KL: variants seen among roughly 807,000 people sequenced by gnomAD.
The protein encoded by KL is alpha-klotho.
Under a neutral mutation model 84.2 loss-of-function variants are expected in KL, and 62 were observed. The observed-to-expected ratio is 0.74, with a 90% CI of 0.60 to 0.91. The LOEUF is 0.91. Ranked by LOEUF, KL falls within the 40% of genes least tolerant of loss-of-function variation. The probability of loss-of-function intolerance (pLI) is 0.00; values close to 1 mark genes in which losing one functional copy is unlikely to be tolerated. For missense variants in KL, 1,261 were observed against 1,305.7 expected (o/e 0.97, Z 0.53); for synonymous variants, 528 against 528.0 (o/e 1.00, Z 0.00).
chr13:33,060,270 C>A (rs929459045), intron 3 of KL, among the ~76,000 whole-genome samples: 2 of 152,170 alleles, frequency 1.3e-5, no homozygotes, highest in African/African-American at 4.8e-5. Flanking sequence ...TAAGTTTTTT[C>A]TTTTTTTCAT....
intron 1 of KL, among the ~76,000 whole-genome samples, chr13:33,027,136 G>A (rs1593791505): frequency 6.6e-6 from 1 of 152,266 alleles, no homozygotes; most frequent in East Asian, 1.9e-4. Flanking sequence ...AAGGACCCCA[G>A]CGCTACTCCT....
At chr13:33,017,344 C>G (rs571323817) in intron 1 of KL, 85 bp downstream of exon 1, 24 of 1,259,782 alleles carry the variant, frequency 1.9e-5, no homozygotes, top group Middle Eastern at 2.6e-4. Context: ...GGAACTGAGT[C>G]TCCCCCAGAC....
rs542328016 is a variant in KL at position 33,065,358 on chromosome 13, T to C, written c.*1172T>C. On this transcript the variant is annotated 3_prime_UTR_variant, in exon 5 of 5. Transcript: ENST00000380099. ...TTTGAACTTTCACGCTGAAACATGC[T>C]AGTGATATCTAGAAAGGGCTAATTA... 2.4e-4 allele frequency: 49 copies of C among 204,938 alleles called. No individual in the cohort carries two copies. The highest frequency in any genetic ancestry group is 1.7e-3 in the Middle Eastern group (1 of 594). The allele number at this position is 204,938 out of a possible 1,614,324, so 12.7% of individuals were successfully genotyped here.
intron 1 of KL, among the ~76,000 whole-genome samples, chr13:33,036,074 A>G (rs1243022943): frequency 6.6e-6 from 1 of 152,200 alleles, no homozygotes; most frequent in Non-Finnish European, 1.5e-5. Context: ...AACTACCCTG[A>G]CCTTTGTCTT....
At position 33,032,098 on chromosome 13, in the gene KL, G is replaced by A. The variant is rs527936567; in HGVS notation, c.819+14839G>A. Among the ~76,000 whole-genome samples the A allele has an allele frequency of 2.2e-3, 328 of 152,180 alleles. 1 individual carries two copies. Among genetic ancestry groups the A allele is most frequent in the African/African-American group, 7.2e-3 (299 of 41,512 alleles). ...CCCGCATTGCACAGGTTACATCTAG[G>A]GGTGTGCTAGCAAATGCCTAGACCA... On this transcript the variant is annotated intron_variant, in intron 1 of 4. Transcript: ENST00000380099.
chr13:33,064,933 A>C lies in KL; in HGVS notation c.*747A>C, dbSNP rs905319701. On this transcript the variant is annotated 3_prime_UTR_variant, in exon 5 of 5. Transcript: ENST00000380099. ...TTGATAAGTATCTGCGGAAAAACAAACATGAATCCTGTGATATTGGGCTCT... is the reference window on the plus strand; with the variant it reads ...TTGATAAGTATCTGCGGAAAAACAACCATGAATCCTGTGATATTGGGCTCT... The C allele has an allele frequency of 8.7e-6, 2 of 228,834 alleles. No individual in the cohort carries two copies. The highest frequency in any genetic ancestry group is 4.4e-5 in the African/African-American group (2 of 45,084). The allele number at this position is 228,834 out of a possible 1,614,324, so 14.2% of individuals were successfully genotyped here.
At chr13:33,035,980 C>A (rs1429537280) in intron 1 of KL, among the ~76,000 whole-genome samples, 2 of 152,072 alleles carry the variant, frequency 1.3e-5, no homozygotes, top group Non-Finnish European at 1.5e-5. Flanking sequence ...AATAAATAAG[C>A]CCTTTATTGT....
At chr13:33,041,702 C>G (rs1016320691) in intron 1 of KL, among the ~76,000 whole-genome samples, 1 of 152,150 alleles carries the variant, frequency 6.6e-6, no homozygotes, top group African/African-American at 2.4e-5. Flanking sequence ...GCTCTCATCA[C>G]TTGCTCAACT....
intron 2 of KL, among the ~76,000 whole-genome samples, 165 bp downstream of exon 2, chr13:33,054,442 T>G (rs1871877440): frequency 6.6e-6 from 1 of 152,192 alleles, no homozygotes; most frequent in South Asian, 2.1e-4. Flanking sequence ...TCATTTGGAG[T>G]CTTGAGGAAC....
At chr13:33,024,173 TG>T (rs1870674506) in intron 1 of KL, among the ~76,000 whole-genome samples, 1 of 152,246 alleles carries the variant, frequency 6.6e-6, no homozygotes, top group Admixed American at 6.5e-5. Flanking sequence ...CAGTACGTTT[TG>T]TTCTTCCTAG....
intron 1 of KL, among the ~76,000 whole-genome samples, chr13:33,021,558 G>A (rs972482953): frequency 1.3e-5 from 2 of 152,118 alleles, no homozygotes; most frequent in Non-Finnish European, 2.9e-5. Context: ...ATGCACTTTT[G>A]AGAAATACTT....
intron 1 of KL, among the ~76,000 whole-genome samples, chr13:33,043,288 C>T (rs1360709812): frequency 3.4e-5 from 5 of 148,104 alleles, no homozygotes; most frequent in African/African-American, 1.0e-4. Flanking sequence ...GGTGTGATCT[C>T]GGCTCACTGC....
Position 33,017,271 on chromosome 13 carries a change from G to A in KL, c.819+12G>A. 1 of 1,551,050 alleles carries A rather than the reference G, an allele frequency of 6.4e-7. No individual in the cohort carries two copies. The highest frequency in any genetic ancestry group is 8.7e-7 in the Non-Finnish European group (1 of 1,154,072). ...ACAACCTCCTCCTGGTGAGTGCGAG[G>A]GGCCAGGCGGAGGGCCACGCAGGGG... On this transcript the variant is annotated intron_variant, in intron 1 of 4. Coordinates refer to ENST00000380099, the MANE Select transcript of KL (RefSeq NM_004795.4).
In KL at chr13:33,042,767, T is replaced by C. The variant is rs60934469; in HGVS notation, c.820-11000T>C. 3.9e-3 allele frequency among the ~76,000 whole-genome samples: 594 copies of C among 152,300 alleles called. 13 individuals are homozygous for C. The East Asian group carries it at 0.061, about 16-fold the overall frequency. ...AGCGATCTCAGCTCACTGCAGCTTC[T>C]GCCACGTGGGTCCAAGCGATTCTCC... is the stretch of plus-strand genomic sequence containing the variant. On this transcript the variant is annotated intron_variant, in intron 1 of 4. Transcript: ENST00000380099.
chr13:33,034,893 C>A (rs1194141492), intron 1 of KL, among the ~76,000 whole-genome samples: 1 of 152,138 alleles, frequency 6.6e-6, no homozygotes, highest in African/African-American at 2.4e-5. Context: ...TGAATATACA[C>A]CATTGAAACA....
chr13:33,027,216 C>A (rs937037107), intron 1 of KL, among the ~76,000 whole-genome samples: 1 of 152,122 alleles, frequency 6.6e-6, no homozygotes, highest in South Asian at 2.1e-4. Flanking sequence ...TCTATCAGGC[C>A]CAGCTGTCTC....
chr13:33,025,461 G>A (rs1480063016), intron 1 of KL, among the ~76,000 whole-genome samples: 1 of 152,132 alleles, frequency 6.6e-6, no homozygotes, highest in East Asian at 1.9e-4. Context: ...TTGGCTTGCT[G>A]GGCACACAAA....
chr13:33,020,507 C>T (rs944063432), intron 1 of KL, among the ~76,000 whole-genome samples: 18 of 152,010 alleles, frequency 1.2e-4, no homozygotes, highest in Non-Finnish European at 2.4e-4. Context: ...TAGACAACCG[C>T]CTTCTCCACG....
intron 1 of KL, among the ~76,000 whole-genome samples, chr13:33,022,387 A>G (rs1870609001): frequency 6.6e-6 from 1 of 152,214 alleles, no homozygotes; most frequent in Admixed American, 6.5e-5. Context: ...TTTTTGAGGC[A>G]TAAAGGAAAT....
Sources: allele counts gnomAD v4.1 joint callset (sites outside exome capture counted in the v4.1 genomes callset), GRCh38; gene constraint gnomAD v4.1.1; transcripts MANE v1.5; gene names NCBI Gene and HGNC (gene_info 2026-07-23, HGNC 2026-07-21).